The following LLCFC1 variants were observed in gnomAD, a reference collection of about 807,000 sequenced individuals.
The protein encoded by LLCFC1 is sperm-egg fusion protein LLCFC1.
A neutral mutation model predicts 9.8 loss-of-function variants in LLCFC1; 14 were observed. The ratio of observed to expected loss-of-function variants is 1.43; its 90% CI spans 0.95 to 2.24. The LOEUF (loss-of-function observed/expected upper bound fraction) is 2.24. Ranked by LOEUF, LLCFC1 falls within the 30% of genes most tolerant of loss-of-function variation. The pLI is 0.00. For synonymous variants in LLCFC1, 70 were observed against 58.8 expected (o/e 1.19, Z -0.87); for missense variants, 162 against 148.0 (o/e 1.09, Z -0.49).
At position 142,939,686 on chromosome 7, in the gene LLCFC1, A is replaced by G. The variant is rs145921401; in HGVS notation, c.65A>G (p.Gln22Arg). ...CTGGTTCCTATCTTGCTGCTGCTGC[A>G]GGTGAAGCCTCTGAACGGGAGCCCA... ...VFLVPILLLL[Q>R]VKPLNGSPGP... is the part of the protein sequence containing the mutation. Residue 22 changes from glutamine (Q) to arginine (R), a missense_variant, in exon 1 of 2, where the codon CAG becomes CGG. Physicochemically the swap from Gln to Arg is conservative, Grantham distance 43. Coordinates refer to ENST00000409607, the MANE Select transcript of LLCFC1 (RefSeq NM_001382496.1). 2.0e-4 allele frequency: 320 copies of G among 1,614,158 alleles called. 2 individuals carry two copies. The African/African-American group carries it at 2.3e-3, about 12-fold the overall frequency.
chr7:142,940,255 C>T (rs1241041182), intron 1 of LLCFC1, 97 bp from the exon 2 acceptor site: 3 of 920,148 alleles, frequency 3.3e-6, no homozygotes, highest in African/African-American at 1.6e-5. Context: ...ATTGGGACTG[C>T]AGCCCTAGGC....
At position 142,940,776 on chromosome 7, in the gene LLCFC1, C is replaced by A. The variant is rs1036014216; in HGVS notation, c.*189C>A. ...GGGCCAGAGACAGCAGACCCACATC[C>A]TTCTCTCCCACACCTCTCCTGGTTT... On this transcript the variant is annotated 3_prime_UTR_variant, in exon 2 of 2. Coordinates refer to ENST00000409607, the MANE Select transcript of LLCFC1 (RefSeq NM_001382496.1). 1.6e-6 allele frequency: 1 copy of A among 613,800 alleles called. No individual in the cohort carries two copies. Among genetic ancestry groups the A allele is most frequent in the Non-Finnish European group, 2.9e-6 (1 of 346,738 alleles). The allele number at this position is 613,800 out of a possible 1,614,324, so 38.0% of individuals were successfully genotyped here.
At chr7:142,940,326 G>A in intron 1 of LLCFC1, 26 bp from the exon 2 acceptor site, 2 of 1,594,158 alleles carry the variant, frequency 1.3e-6, no homozygotes, top group Non-Finnish European at 1.7e-6. Context: ...TCAGGGCTCA[G>A]TCCTTGTCCT....
chr7:142,939,704 G>A lies in LLCFC1; in HGVS notation c.83G>A (p.Gly28Glu). The A allele has an allele frequency of 1.9e-6, 3 of 1,614,132 alleles. No individual in the cohort carries two copies. The highest frequency in any genetic ancestry group is 1.7e-6 in the Non-Finnish European group (2 of 1,179,996). ...CTGCTGCAGGTGAAGCCTCTGAACG[G>A]GAGCCCAGGCCCCAAAGATGGGAGC... ...LLLLQVKPLN[G>E]SPGPKDGSQT... is the part of the protein sequence containing the mutation. The change falls in exon 1 of 2, where the codon GGG (glycine) becomes GAG (glutamate). Residue 28 changes from glycine (G) to glutamate (E), a missense_variant. Transcript: ENST00000409607.
Sources: gnomAD v4.1 joint callset for allele counts on GRCh38, gnomAD v4.1.1 for gene constraint, MANE v1.5 for transcripts, NCBI Gene and HGNC (gene_info 2026-07-23, HGNC 2026-07-21) for gene names.